Variants in EMSY observed in about 807,000 individuals in gnomAD.
The protein encoded by EMSY is EMSY transcriptional repressor, BRCA2 interacting, also known as BRCA2-interacting transcriptional repressor EMSY.
EMSY carries 26 observed loss-of-function variants against 134.6 expected under a neutral mutation model. The observed-to-expected ratio is 0.19, with a 90% CI of 0.14 to 0.27. The LOEUF is 0.27. Ranked by LOEUF, EMSY falls within the 10% of genes least tolerant of loss-of-function variation. EMSY has a pLI of 1.00. For missense variants in EMSY, 1,305 were observed against 1,611.4 expected, an observed-to-expected ratio of 0.81 and a Z score of 3.26; for synonymous variants, 579 against 577.8, an observed-to-expected ratio of 1.00 and a Z score of -0.03.
At chr11:76,483,119 T>C (rs1041793027) in intron 8 of EMSY, among the ~76,000 whole-genome samples, 5 of 152,142 alleles carry the variant, frequency 3.3e-5, no homozygotes, top group Non-Finnish European at 7.4e-5. Context: ...AAGAAAAGAA[T>C]TTTCAACCCA....
chr11:76,490,908 A>G (rs533957924), intron 8 of EMSY, among the ~76,000 whole-genome samples: 148 of 152,208 alleles, frequency 9.7e-4, no homozygotes, highest in African/African-American at 3.4e-3. Flanking sequence ...GTATTTTCAT[A>G]TATTAAAAGC....
chr11:76,466,007 C>T (rs748288511), intron 7 of EMSY, among the ~76,000 whole-genome samples: 19 of 152,062 alleles, frequency 1.2e-4, no homozygotes, highest in Non-Finnish European at 1.5e-4. Context: ...GCCTGGTTGG[C>T]AGTGTTTTGT....
chr11:76,545,996 A>C lies in EMSY; in HGVS notation c.3473A>C (p.Gln1158Pro), dbSNP rs753715292. 4 of 1,614,180 alleles carry C rather than the reference A, an allele frequency of 2.5e-6. No individual in the cohort carries two copies. The Admixed American group carries it at 6.7e-5, about 27-fold the overall frequency. Residue 1158 changes from glutamine to proline, a missense_variant, in exon 20 of 21, where the codon CAG (glutamine) becomes CCG (proline). By Grantham distance (76) the Gln-to-Pro change is moderately conservative. Coordinates refer to ENST00000334736, the Ensembl canonical transcript of EMSY. ...TTGAAAATGTCTTTGATGGAAGCTC[A>C]GATTGATACAAATGTAGAACATATG...
chr11:76,501,469 A>G (rs1270201066), intron 9 of EMSY, among the ~76,000 whole-genome samples: 3 of 152,254 alleles, frequency 2.0e-5, no homozygotes, highest in Non-Finnish European at 4.4e-5. Flanking sequence ...CATCAAATAA[A>G]GATCAATAAA....
At chr11:76,523,237 G>C (rs777308629) in exon 12 of EMSY, 2 of 1,613,772 alleles carry the variant, frequency 1.2e-6, no homozygotes, top group Non-Finnish European at 1.7e-6. Context: ...GAAAAGGAAC[G>C]ACCATTCAAG....
intron 4 of EMSY, among the ~76,000 whole-genome samples, chr11:76,457,372 T>G (rs893968363): frequency 2.6e-5 from 4 of 152,210 alleles, no homozygotes; most frequent in African/African-American, 9.6e-5. Flanking sequence ...TAGAGCCAAG[T>G]TAAGAGAAGT....
chr11:76,531,969 G>T (rs1460157510), intron 14 of EMSY, among the ~76,000 whole-genome samples: 3 of 152,072 alleles, frequency 2.0e-5, no homozygotes, highest in Admixed American at 1.3e-4. Flanking sequence ...TTTCTCAACT[G>T]TCTCCATATA....
chr11:76,467,268 C>T (rs1948388983), intron 7 of EMSY, among the ~76,000 whole-genome samples: 2 of 152,202 alleles, frequency 1.3e-5, no homozygotes, highest in South Asian at 4.1e-4. Flanking sequence ...TACTATAACG[C>T]TTTTAACTGC....
intron 8 of EMSY, among the ~76,000 whole-genome samples, chr11:76,494,457 C>T (rs1472039655): frequency 2.0e-5 from 3 of 152,122 alleles, no homozygotes; most frequent in African/African-American, 7.2e-5. Context: ...TAACTTTATA[C>T]TCATTGAGTC....
intron 14 of EMSY, among the ~76,000 whole-genome samples, chr11:76,530,760 T>C (rs1180091346): frequency 6.6e-6 from 1 of 152,152 alleles, no homozygotes; most frequent in Admixed American, 6.5e-5. Context: ...GGAATATATA[T>C]GCTGTGATTT....
chr11:76,458,300 T>A (rs1229341075), exon 5 of EMSY: 2 of 1,613,968 alleles, frequency 1.2e-6, no homozygotes, highest in Admixed American at 3.3e-5. Flanking sequence ...CTGTTGCTAA[T>A]GCAGCTATCC....
chr11:76,449,578 T>C (rs903589886), intron 2 of EMSY, among the ~76,000 whole-genome samples: 1 of 152,228 alleles, frequency 6.6e-6, no homozygotes, highest in Admixed American at 6.5e-5. Flanking sequence ...TTTCTTTTTA[T>C]GGCATTGCCA....
intron 7 of EMSY, among the ~76,000 whole-genome samples, chr11:76,465,073 G>T (rs1948294829): frequency 6.6e-6 from 1 of 152,046 alleles, no homozygotes; most frequent in Non-Finnish European, 1.5e-5. Flanking sequence ...CATCGATTAG[G>T]TTGTATACTC....
At chr11:76,488,142 T>G (rs1949266526) in intron 8 of EMSY, among the ~76,000 whole-genome samples, 2 of 152,254 alleles carry the variant, frequency 1.3e-5, no homozygotes, top group African/African-American at 4.8e-5. Flanking sequence ...ATATTCACAG[T>G]AGCCCATTTT....
intron 11 of EMSY, among the ~76,000 whole-genome samples, chr11:76,521,101 C>T (rs1005472428): frequency 2.0e-5 from 3 of 152,110 alleles, no homozygotes; most frequent in African/African-American, 7.2e-5. Context: ...CTGACAAAGC[C>T]TGGAAAGCTA....
intron 10 of EMSY, among the ~76,000 whole-genome samples, chr11:76,515,205 T>TG (rs1565336399): frequency 8.9e-5 from 12 of 134,714 alleles, no homozygotes; most frequent in African/African-American, 2.2e-4. Flanking sequence ...AAGCATTTTT[T>TG]TGGGGGGGGG....
intron 12 of EMSY, among the ~76,000 whole-genome samples, chr11:76,525,053 C>G (rs1950797323): frequency 6.6e-6 from 1 of 152,150 alleles, no homozygotes; most frequent in African/African-American, 2.4e-5. Context: ...GCACAATCAC[C>G]TCTACTCACC....
intron 14 of EMSY, among the ~76,000 whole-genome samples, chr11:76,534,107 A>G (rs147803069): frequency 1.3e-4 from 20 of 152,232 alleles, no homozygotes; most frequent in Admixed American, 1.0e-3. Flanking sequence ...ATGCTCTCCT[A>G]TGGAAATTTG....
chr11:76,472,647 G>C (rs750483714), exon 8 of EMSY: 12 of 1,614,152 alleles, frequency 7.4e-6, no homozygotes, highest in Non-Finnish European at 1.0e-5. Context: ...CAGTCACTAA[G>C]CTTGTACCAA....
Sources: gnomAD v4.1 joint callset for allele counts (sites outside exome capture counted in the v4.1 genomes callset) on GRCh38, gnomAD v4.1.1 for gene constraint, MANE v1.5 for transcripts, NCBI Gene and HGNC (gene_info 2026-07-23, HGNC 2026-07-21) for gene names.